The following NCKAP5 variants were observed in gnomAD, a reference collection of about 807,000 sequenced individuals.
The protein encoded by NCKAP5 is nck-associated protein 5.
In NCKAP5, 92 loss-of-function variants were observed where a neutral mutation model predicts 167.0. The ratio of observed to expected loss-of-function variants is 0.55; its 90% CI spans 0.47 to 0.66. NCKAP5 has a LOEUF of 0.66. NCKAP5 is among the 30% of genes least tolerant of loss of function. The pLI, the probability that NCKAP5 is intolerant of heterozygous loss-of-function variation, is 0.00. For synonymous variants in NCKAP5, 891 were observed against 877.4 expected (o/e 1.02, Z -0.27); for missense variants, 2,378 against 2,315.0 (o/e 1.03, Z -0.56).
chr2:133,600,361 A>G, the NCKAP5 span, among the ~76,000 whole-genome samples: 2 of 152,206 alleles, frequency 1.3e-5, no homozygotes, highest in South Asian at 2.1e-4. Flanking sequence ...GGAAAGGGAC[A>G]GGAAGAAAGA....
intron 6 of NCKAP5, among the ~76,000 whole-genome samples, chr2:133,077,163 C>T (rs907322071): frequency 2.6e-5 from 4 of 152,078 alleles, no homozygotes; most frequent in African/African-American, 9.7e-5. Flanking sequence ...AAAACTAGAA[C>T]CATGTTTGTA....
At chr2:132,876,419 T>C (rs1362978587) in intron 9 of NCKAP5, among the ~76,000 whole-genome samples, 1 of 152,180 alleles carries the variant, frequency 6.6e-6, no homozygotes, top group African/African-American at 2.4e-5. Flanking sequence ...TAAATTTACA[T>C]TTATCCACCT....
chr2:133,497,924 C>T (rs1183249785), intron 3 of NCKAP5, among the ~76,000 whole-genome samples: 1 of 152,156 alleles, frequency 6.6e-6, no homozygotes, highest in Non-Finnish European at 1.5e-5. Flanking sequence ...CCCCAGGTAA[C>T]ACAACCCGCA....
At chr2:133,347,579 TTAATA>T (rs202127484) in intron 3 of NCKAP5, among the ~76,000 whole-genome samples, 56 of 149,496 alleles carry the variant, frequency 3.7e-4, no homozygotes, top group South Asian at 6.3e-4. Context: ...ATTAAAATAA[TTAATA>T]TAATATAATA....
chr2:133,358,805 A>G (rs1376369510), intron 3 of NCKAP5, among the ~76,000 whole-genome samples: 1 of 152,250 alleles, frequency 6.6e-6, no homozygotes, highest in Non-Finnish European at 1.5e-5. Flanking sequence ...CTGTTACTAA[A>G]TAAGAGTATA....
At chr2:133,084,676 T>A (rs1337426281) in intron 6 of NCKAP5, among the ~76,000 whole-genome samples, 1 of 152,182 alleles carries the variant, frequency 6.6e-6, no homozygotes, top group Non-Finnish European at 1.5e-5. Flanking sequence ...GCCTTTCAAC[T>A]GAAATAAACT....
chr2:133,282,091 G>A (rs955797163), intron 4 of NCKAP5, among the ~76,000 whole-genome samples: 3 of 152,194 alleles, frequency 2.0e-5, no homozygotes, highest in African/African-American at 7.2e-5. Context: ...AATGATTAAC[G>A]ACCCAGCCCT....
At chr2:132,738,271 A>T (rs1446920460) in intron 16 of NCKAP5, among the ~76,000 whole-genome samples, 1 of 152,216 alleles carries the variant, frequency 6.6e-6, no homozygotes, top group Non-Finnish European at 1.5e-5. Flanking sequence ...AGAATGGATG[A>T]CCAAGACAAA....
chr2:133,460,387 T>G (rs565360185), intron 3 of NCKAP5, among the ~76,000 whole-genome samples: 1 of 152,210 alleles, frequency 6.6e-6, no homozygotes, highest in Non-Finnish European at 1.5e-5. Context: ...TATTTTAATT[T>G]TATGCATATT....
the NCKAP5 span, among the ~76,000 whole-genome samples, chr2:133,590,191 C>T: frequency 2.6e-5 from 4 of 152,180 alleles, no homozygotes; most frequent in Non-Finnish European, 4.4e-5. Context: ...CCTTTGAAGA[C>T]ATTCACTTAA....
At chr2:132,976,486 C>T (rs1438819026) in intron 7 of NCKAP5, among the ~76,000 whole-genome samples, 2 of 150,974 alleles carry the variant, frequency 1.3e-5, no homozygotes, top group Non-Finnish European at 2.9e-5. Context: ...ATTGCTTGAA[C>T]CTGGGAGTCG....
At chr2:133,548,335 C>G (rs911466127) in intron 2 of NCKAP5, among the ~76,000 whole-genome samples, 8 of 152,152 alleles carry the variant, frequency 5.3e-5, no homozygotes, top group Non-Finnish European at 1.2e-4. Flanking sequence ...CTTCCCCAAT[C>G]TAGCAAGGCA....
chr2:133,166,020 G>A (rs533700239), intron 5 of NCKAP5, among the ~76,000 whole-genome samples: 6 of 152,196 alleles, frequency 3.9e-5, no homozygotes, highest in African/African-American at 1.4e-4. Flanking sequence ...TGTGGTCTTT[G>A]TTTTCAGGGA....
At chr2:133,666,121 A>G in the NCKAP5 span, among the ~76,000 whole-genome samples, 1 of 151,124 alleles carries the variant, frequency 6.6e-6, no homozygotes, top group South Asian at 2.1e-4. Flanking sequence ...TAATTCACTT[A>G]CTTTTAGCCT....
At chr2:133,666,186 CTT>C in the NCKAP5 span, among the ~76,000 whole-genome samples, 5 of 114,118 alleles carry the variant, frequency 4.4e-5, no homozygotes, top group Non-Finnish European at 5.2e-5. Context: ...GATCTACATC[CTT>C]TTTTTTTTTT....
intron 6 of NCKAP5, among the ~76,000 whole-genome samples, chr2:133,051,248 C>G (rs1255284103): frequency 1.3e-5 from 2 of 152,142 alleles, no homozygotes. Flanking sequence ...TAATTAAACT[C>G]TTTTTCTTTA....
chr2:132,995,488 TA>T (rs1251235618), intron 6 of NCKAP5, among the ~76,000 whole-genome samples: 1 of 151,542 alleles, frequency 6.6e-6, no homozygotes, highest in Non-Finnish European at 1.5e-5. Context: ...CCATCTCCAC[TA>T]AAAATACAAA....
intron 4 of NCKAP5, among the ~76,000 whole-genome samples, chr2:133,283,649 TG>T (rs1343465536): frequency 2.0e-5 from 3 of 151,712 alleles, no homozygotes; most frequent in Non-Finnish European, 4.4e-5. Context: ...CTCGCTCTGT[TG>T]CCAAGGCTGG....
intron 4 of NCKAP5, among the ~76,000 whole-genome samples, chr2:133,290,131 C>A (rs1420078582): frequency 6.6e-6 from 1 of 152,130 alleles, no homozygotes; most frequent in African/African-American, 2.4e-5. Context: ...CCAAAATTAT[C>A]AATACCTTCT....
Sources: allele counts gnomAD v4.1 joint callset (sites outside exome capture counted in the v4.1 genomes callset), GRCh38; gene constraint gnomAD v4.1.1; transcripts MANE v1.5; gene names NCBI Gene and HGNC (gene_info 2026-07-23, HGNC 2026-07-21).